Variants in PGR observed in about 807,000 individuals in gnomAD.
The protein encoded by PGR is nuclear receptor subfamily 3 group C member 3.
Under a neutral mutation model 76.1 loss-of-function variants are expected in PGR, and 25 were observed. The ratio of observed to expected loss-of-function variants is 0.33; its 90% CI spans 0.24 to 0.46. PGR has a LOEUF of 0.46. Among genes scored for constraint, PGR ranks in the 20% least tolerant of loss-of-function variants. The pLI, the probability that PGR is intolerant of heterozygous loss-of-function variation, is 1.00. For synonymous variants in PGR, 579 were observed against 535.0 expected (o/e 1.08, Z -1.14); for missense variants, 1,172 against 1,225.3 (o/e 0.96, Z 0.65).
In PGR at chr11:101,127,708, C is replaced by T. The variant is rs749898173; in HGVS notation, c.1363G>A (p.Gly455Arg). 2 of 1,584,106 alleles carry T rather than the reference C, an allele frequency of 1.3e-6. No individual in the cohort carries two copies. Among genetic ancestry groups the T allele is most frequent in the Non-Finnish European group, 1.7e-6 (2 of 1,174,094 alleles). ...TACAGGATGCACTCCAGGGTCGACC[C>T]CGAGGAGGACGCAGACGAGACTGAG... The part of the protein sequence containing the change: ...SASVSSASSS[G>R]STLECILYKA... Residue 455 changes from glycine (G) to arginine (R), a missense_variant, in exon 1 of 8, where the codon GGG (glycine) becomes AGG (arginine). By Grantham distance (125) the Gly-to-Arg change is moderately radical. Around this residue, in one of 4 missense-constraint regions of PGR, gnomAD observed 893 missense variants for 785.9 expected, o/e 1.14. Transcript: ENST00000325455.
chr11:101,035,077 A>G lies in PGR; in HGVS notation c.*4039T>C. On this transcript the variant is annotated 3_prime_UTR_variant, in exon 8 of 8. Coordinates refer to ENST00000325455, the MANE Select transcript of PGR (RefSeq NM_000926.4). ...GCTATGTATTTTCTGTAAAATTTTA[A>G]GAGATGTAGAAATTTCCCACATCCA... 1 of 206,682 alleles carries G rather than the reference A, an allele frequency of 4.8e-6. No homozygotes were observed. The highest frequency in any genetic ancestry group is 9.9e-6 in the Non-Finnish European group (1 of 101,192). The allele number at this position is 206,682 out of a possible 1,614,324, so 12.8% of individuals were successfully genotyped here.
intron 3 of PGR, chr11:101,064,130 A>G (rs1449693282): frequency 6.6e-6 from 1 of 152,110 alleles, no homozygotes; most frequent in Non-Finnish European, 1.5e-5. Flanking sequence ...CAGAAGTTCG[A>G]GACCAGCCTG....
At position 101,066,359 on chromosome 11, in the gene PGR, C is replaced by A. The variant is rs182105564; in HGVS notation, c.1907-3607G>T. On this transcript the variant is annotated intron_variant, in intron 3 of 7. Transcript: ENST00000325455. ...TTATTCATTTGGCTTCCACATATTT[C>A]ATTCTTGTAGTCACTCTTTCAGTCT... 1.6e-4 allele frequency among the ~76,000 whole-genome samples: 25 copies of A among 152,266 alleles called. No individual in the cohort carries two copies. In the East Asian group the frequency reaches 4.8e-3, roughly 29 times the overall value.
chr11:101,087,831 G>T (rs1443134878), intron 3 of PGR, among the ~76,000 whole-genome samples: 2 of 151,978 alleles, frequency 1.3e-5, no homozygotes, highest in African/African-American at 4.8e-5. Context: ...CATTTAAAAT[G>T]CTCCATATCA....
chr11:101,091,761 T>C lies in PGR; in HGVS notation c.1905A>G (p.Gly635=). The change falls in exon 3 of 8, where the codon GGA becomes GGG. Residue 635 remains glycine, a splice_region_variant and synonymous_variant. Transcript: ENST00000325455. ...RKCCQAGMVL[G]GRKFKKFNKV... is the part of the protein sequence containing the mutation. ...TATTGATGAAAACATCAGAATTACC[T>C]CCAAGGACCATGCCAGCCTGACAGC... 6.7e-7 allele frequency: 1 copy of C among 1,494,030 alleles called. No individual in the cohort carries two copies. The highest frequency in any genetic ancestry group is 9.3e-7 in the Non-Finnish European group (1 of 1,070,586). The allele number at this position is 1,494,030 out of a possible 1,614,324, so 92.5% of individuals were successfully genotyped here.
chr11:101,104,904 G>C (rs919555624), intron 2 of PGR, among the ~76,000 whole-genome samples: 1 of 152,254 alleles, frequency 6.6e-6, no homozygotes, highest in South Asian at 2.1e-4. Context: ...ACTGTAGTGG[G>C]GGAATGTGTT....
chr11:101,039,312 T>C (rs199711438), intron 7 of PGR, 41 bp from the exon 8 acceptor site: 16 of 1,453,010 alleles, frequency 1.1e-5, no homozygotes, highest in Non-Finnish European at 1.4e-5. Flanking sequence ...GTAATAAAAA[T>C]AATAAATTCA....
At position 101,129,013 on chromosome 11, in the gene PGR, A is replaced by G. The variant is rs199841157; in HGVS notation, c.58T>C (p.Ser20Pro). 2 of 1,570,856 alleles carry G rather than the reference A, an allele frequency of 1.3e-6. No homozygotes were observed. Among genetic ancestry groups the G allele is most frequent in the Admixed American group, 1.8e-5 (1 of 54,460 alleles). ...AGCAGTGGGGATCCGACCTCGGGGG[A>G]GGGCGGGCCGCCCGCCACGTGGGGA... Reference protein sequence around the residue: ...RAPHVAGGPPSPEVGSPLLCR... With the variant: ...RAPHVAGGPPPPEVGSPLLCR... The change falls in exon 1 of 8, where the codon TCC becomes CCC. Residue 20 changes from serine to proline, a missense_variant. Physicochemically the swap from Ser to Pro is moderately conservative, Grantham distance 74. Around this residue, in one of 4 missense-constraint regions of PGR, gnomAD observed 893 missense variants for 785.9 expected, o/e 1.14. Transcript: ENST00000325455.
chr11:101,064,733 C>T (rs1233415110), intron 3 of PGR, among the ~76,000 whole-genome samples: 1 of 152,172 alleles, frequency 6.6e-6, no homozygotes, highest in African/African-American at 2.4e-5. Context: ...ATTGTCTTTT[C>T]CATCTCCCAC....
intron 1 of PGR, chr11:101,127,100 C>T (rs1862862721): frequency 5.6e-6 from 1 of 178,396 alleles, no homozygotes; most frequent in African/African-American, 2.4e-5. Context: ...TACAGCGGAC[C>T]TAGTGTGACG....
chr11:101,046,509 T>C (rs895236908), intron 6 of PGR, among the ~76,000 whole-genome samples: 1 of 151,786 alleles, frequency 6.6e-6, no homozygotes, highest in Non-Finnish European at 1.5e-5. Context: ...TGTCTATTCC[T>C]GGAGATTTAT....
chr11:101,124,909 A>G (rs1401929949), intron 2 of PGR, among the ~76,000 whole-genome samples: 1 of 152,166 alleles, frequency 6.6e-6, no homozygotes, highest in Non-Finnish European at 1.5e-5. Context: ...ATCATGTTCT[A>G]AAAATATACA....
intron 2 of PGR, among the ~76,000 whole-genome samples, chr11:101,092,974 C>T (rs898223901): frequency 5.5e-4 from 84 of 152,072 alleles, no homozygotes; most frequent in African/African-American, 1.9e-3. Flanking sequence ...GTACCTAAAA[C>T]ATGTACTTAA....
intron 3 of PGR, among the ~76,000 whole-genome samples, chr11:101,090,698 C>A (rs1221849403): frequency 6.6e-6 from 1 of 152,200 alleles, no homozygotes; most frequent in Non-Finnish European, 1.5e-5. Context: ...TACTGTCAAC[C>A]TAATCACTGC....
In PGR at chr11:101,122,224, T is replaced by C. The variant is rs1250389375; in HGVS notation, c.1789+3783A>G. Among the ~76,000 whole-genome samples the C allele has an allele frequency of 2.0e-5, 3 of 151,998 alleles. No individual in the cohort carries two copies. In the South Asian group the frequency reaches 6.2e-4, roughly 31 times the overall value. ...ATCCTTCAATACCTACTTAGCTTAGTGTCTTCTAAGTAATACATTTCAATT... is the reference window on the plus strand; with the variant it reads ...ATCCTTCAATACCTACTTAGCTTAGCGTCTTCTAAGTAATACATTTCAATT... On this transcript the variant is annotated intron_variant, in intron 2 of 7. Transcript: ENST00000325455.
At chr11:101,053,567 TTTCTTCCCTCCCCTTCTC>T (rs745953342) in intron 4 of PGR, among the ~76,000 whole-genome samples, 2 of 107,660 alleles carry the variant, frequency 1.9e-5, no homozygotes, top group African/African-American at 7.8e-5. Context: ...CCCTTCTCCC[TTTCTTCCCTCCCCTTCTC>T]CCTTTCTTCC....
chr11:101,065,297 C>T (rs1860674880), intron 3 of PGR, among the ~76,000 whole-genome samples: 1 of 151,946 alleles, frequency 6.6e-6, no homozygotes, highest in Admixed American at 6.6e-5. Flanking sequence ...CCTAACATAG[C>T]TTAAAAAAGA....
intron 2 of PGR, among the ~76,000 whole-genome samples, chr11:101,103,024 T>C (rs1313250356): frequency 6.6e-6 from 1 of 151,820 alleles, no homozygotes; most frequent in African/African-American, 2.4e-5. Flanking sequence ...ACCACTGGTC[T>C]GATGGGAGGT....
At chr11:101,107,758 G>A (rs1315082093) in intron 2 of PGR, among the ~76,000 whole-genome samples, 1 of 150,190 alleles carries the variant, frequency 6.7e-6, no homozygotes, top group Non-Finnish European at 1.5e-5. Context: ...GTTTATCAAT[G>A]TGTTCAACTT....
Sources: gnomAD v4.1 joint callset for allele counts (sites outside exome capture counted in the v4.1 genomes callset) on GRCh38, gnomAD v4.1.1 for gene constraint, gnomAD v4.1.1 regional missense constraint, MANE v1.5 for transcripts, NCBI Gene and HGNC (gene_info 2026-07-23, HGNC 2026-07-21) for gene names.